Variants in LRRTM3 observed in about 807,000 individuals in gnomAD.
LRRTM3 encodes leucine rich repeat transmembrane neuronal 3.
In LRRTM3, 24 loss-of-function variants were observed where a neutral mutation model predicts 44.7. That is an observed-to-expected ratio of 0.54 (90% CI 0.39 to 0.76). The LOEUF is 0.76. LRRTM3 is among the 30% of genes least tolerant of loss of function. LRRTM3 has a pLI of 0.00. For synonymous variants in LRRTM3, 277 were observed against 278.7 expected, an observed-to-expected ratio of 0.99 and a Z score of 0.06; for missense variants, 587 against 702.2, an observed-to-expected ratio of 0.84 and a Z score of 1.85.
At chr10:67,044,215 CAA>C (rs1854585827) in intron 2 of LRRTM3, among the ~76,000 whole-genome samples, 1 of 152,050 alleles carries the variant, frequency 6.6e-6, no homozygotes, top group African/African-American at 2.4e-5. Flanking sequence ...AATATGGCTG[CAA>C]CATAGTAGGC....
chr10:67,056,052 T>C (rs1855407991), intron 2 of LRRTM3, among the ~76,000 whole-genome samples: 1 of 152,128 alleles, frequency 6.6e-6, no homozygotes, highest in Non-Finnish European at 1.5e-5. Context: ...GAGGTGGAGA[T>C]GAAGAATGCT....
At chr10:67,069,557 G>GCCCCACCCCACCCCACCCCA (rs549930721) in intron 2 of LRRTM3, among the ~76,000 whole-genome samples, 3 of 96,362 alleles carry the variant, frequency 3.1e-5, no homozygotes, top group East Asian at 6.4e-4. Context: ...ACAGCAGCCC[G>GCCCCACCCCACCCCACCCCA]CCCCACCCCA....
rs192572936 is a variant in LRRTM3, at chr10:66,935,611, G to A, written c.1536+7159G>A. ...CGTATTTGTATTTCCACCAAGGTAC[G>A]TATGTTGTACATGCCTAAAAAAATA... On this transcript the variant is annotated intron_variant, in intron 2 of 2. Transcript: ENST00000361320. Among the ~76,000 whole-genome samples the A allele has an allele frequency of 5.9e-5, 9 of 151,918 alleles. No homozygotes were observed. In the South Asian group the frequency reaches 6.2e-4, roughly 11 times the overall value.
chr10:66,958,308 CAAAAAAAAA>C (rs35076056), intron 2 of LRRTM3, among the ~76,000 whole-genome samples: 21,810 of 87,592 alleles, frequency 0.25, 1,682 homozygotes, highest in Middle Eastern at 0.35. Context: ...TGCTTTCTTG[CAAAAAAAAA>C]AAAAAAAAAA....
chr10:67,091,003 G>A (rs1341428171), intron 2 of LRRTM3, among the ~76,000 whole-genome samples: 6 of 151,940 alleles, frequency 3.9e-5, no homozygotes, highest in South Asian at 2.1e-4. Flanking sequence ...GAGTCAAGCC[G>A]GTAGAAAGGT....
intron 2 of LRRTM3, among the ~76,000 whole-genome samples, chr10:67,092,690 G>T (rs977130540): frequency 1.3e-5 from 2 of 151,814 alleles, no homozygotes; most frequent in African/African-American, 4.8e-5. Context: ...ACATATGAAT[G>T]GGAAAAAGAC....
At chr10:67,095,864 T>G (rs978839674) in intron 2 of LRRTM3, among the ~76,000 whole-genome samples, 9 of 152,024 alleles carry the variant, frequency 5.9e-5, no homozygotes, top group African/African-American at 2.2e-4. Flanking sequence ...GCACATTTAC[T>G]TTTACATAAA....
At chr10:67,042,808 T>G (rs1430333599) in intron 2 of LRRTM3, among the ~76,000 whole-genome samples, 1 of 152,154 alleles carries the variant, frequency 6.6e-6, no homozygotes, top group Admixed American at 6.5e-5. Context: ...TGTCAATGAT[T>G]AGATAGTCAA....
Position 67,011,450 on chromosome 10 carries a change from T to C in LRRTM3, c.1536+82998T>C, listed in dbSNP as rs190688061. Among the ~76,000 whole-genome samples, 470 of 151,566 alleles carry C rather than the reference T, an allele frequency of 3.1e-3. 2 individuals are homozygous for C. The highest frequency in any genetic ancestry group is 0.011 in the African/African-American group (435 of 41,400). On this transcript the variant is annotated intron_variant, in intron 2 of 2. Coordinates refer to ENST00000361320, the MANE Select transcript of LRRTM3 (RefSeq NM_178011.5). ...TAGTGAAAAAACAGAAATTTACCCA[T>C]AGAGTGCAATTAGGAAGCCAGAAAG...
chr10:67,020,422 G>T (rs554886988), intron 2 of LRRTM3, among the ~76,000 whole-genome samples: 1 of 152,090 alleles, frequency 6.6e-6, no homozygotes, highest in African/African-American at 2.4e-5. Context: ...TGGCAGCAGG[G>T]ATATTGTAAC....
At chr10:67,003,027 T>C (rs1851772610) in intron 2 of LRRTM3, among the ~76,000 whole-genome samples, 1 of 152,146 alleles carries the variant, frequency 6.6e-6, no homozygotes, top group Non-Finnish European at 1.5e-5. Context: ...ATGATACTAT[T>C]TATAATGCCA....
In LRRTM3 at chr10:66,928,151, C is replaced by T; in HGVS notation, c.1235C>T (p.Ala412Val). Reference protein sequence around the residue: ...TEPGPETDADAEHISFHKIIA... With the variant: ...TEPGPETDADVEHISFHKIIA... ...CCCGGCCCAGAGACCGATGCTGACG[C>T]CGAGCACATCTCTTTCCATAAAATC... Residue 412 changes from alanine (A) to valine (V), a missense_variant, in exon 2 of 3, where the codon GCC becomes GTC. Ala to Val is a moderately conservative substitution (Grantham distance 64). Transcript: ENST00000361320. 1 of 1,614,104 alleles carries T rather than the reference C, an allele frequency of 6.2e-7. No individual in the cohort carries two copies. The highest frequency in any genetic ancestry group is 8.5e-7 in the Non-Finnish European group (1 of 1,180,048).
Position 67,018,840 on chromosome 10 carries a change from C to T in LRRTM3, c.1537-78747C>T, listed in dbSNP as rs1202416251. 2.0e-5 allele frequency among the ~76,000 whole-genome samples: 3 copies of T among 152,096 alleles called. No individual in the cohort carries two copies. The East Asian group carries it at 5.8e-4, about 29-fold the overall frequency. ...TATAAATATTAGATATTATTACTAC[C>T]CAGGCATTCAGTGTATAAGAGACGC... On this transcript the variant is annotated intron_variant, in intron 2 of 2. Transcript: ENST00000361320.
At position 66,927,179 on chromosome 10, in the gene LRRTM3, CCTGG is replaced by C. The variant is rs1159726140; in HGVS notation, c.266_269del (p.Trp89TyrfsTer25). ...CAATTTAAAGGGCTCAACCAGCTCA[CCTGG>C]CTATACCTTGACCATAACCATATCA... is the stretch of plus-strand genomic sequence containing the variant. On this transcript the variant is annotated frameshift_variant, in exon 2 of 3. Transcript: ENST00000361320. LOFTEE classifies it high-confidence loss of function. This position sits in a 1 kb window ranked among gnomAD's most constrained non-coding sequence, Gnocchi z 4.7. The C allele has an allele frequency of 6.2e-7, 1 of 1,614,188 alleles. No homozygotes were observed.
chr10:66,978,218 C>T lies in LRRTM3; in HGVS notation c.1536+49766C>T, dbSNP rs529735357. ...TAGAGATCTGCTGCACAACATAGTG[C>T]CTAGAGTTAACAATATTGTATTGTG... On this transcript the variant is annotated intron_variant, in intron 2 of 2. Transcript: ENST00000361320. Among the ~76,000 whole-genome samples, 8 of 151,850 alleles carry T rather than the reference C, an allele frequency of 5.3e-5. No individual in the cohort carries two copies. The East Asian group carries it at 1.6e-3, about 30-fold the overall frequency.
At chr10:67,034,761 A>G (rs2133122334) in intron 2 of LRRTM3, among the ~76,000 whole-genome samples, 1 of 152,306 alleles carries the variant, frequency 6.6e-6, no homozygotes, top group South Asian at 2.1e-4. Flanking sequence ...AATCTCTTTC[A>G]TGTAATATTA....
chr10:67,017,739 G>C (rs115818353), intron 2 of LRRTM3, among the ~76,000 whole-genome samples: 1,702 of 151,192 alleles, frequency 0.011, 30 homozygotes, highest in African/African-American at 0.039. Flanking sequence ...GTGTGTGTGT[G>C]TGTGTGTGTG....
intron 2 of LRRTM3, among the ~76,000 whole-genome samples, chr10:67,079,120 TTCA>T (rs1856900569): frequency 6.6e-6 from 1 of 152,214 alleles, no homozygotes; most frequent in African/African-American, 2.4e-5. Flanking sequence ...ATTTATAAGT[TTCA>T]GAGACAAGAT....
At chr10:67,001,897 C>T (rs1851709426) in intron 2 of LRRTM3, among the ~76,000 whole-genome samples, 1 of 152,176 alleles carries the variant, frequency 6.6e-6, no homozygotes, top group South Asian at 2.1e-4. Flanking sequence ...TCCTAAAACA[C>T]ATTTGCTACA....
Sources: allele counts gnomAD v4.1 joint callset (sites outside exome capture counted in the v4.1 genomes callset), GRCh38; gene constraint gnomAD v4.1.1; non-coding constraint Gnocchi (gnomAD v3.1); transcripts MANE v1.5; gene names NCBI Gene and HGNC (gene_info 2026-07-23, HGNC 2026-07-21).